The following CPA6 variants were observed in gnomAD, a reference collection of about 807,000 sequenced individuals.
CPA6 encodes carboxypeptidase B.
CPA6 carries 58 observed loss-of-function variants against 63.3 expected under a neutral mutation model. The ratio of observed to expected loss-of-function variants is 0.92; its 90% CI spans 0.74 to 1.14. The LOEUF is 1.14. CPA6 is among the 50% of genes most tolerant of loss of function. The probability of loss-of-function intolerance (pLI) is 0.00; values close to 1 mark genes in which losing one functional copy is unlikely to be tolerated. For missense variants in CPA6, 565 were observed against 526.6 expected, an observed-to-expected ratio of 1.07 and a Z score of -0.71; for synonymous variants, 185 against 179.0, an observed-to-expected ratio of 1.03 and a Z score of -0.27.
intron 1 of CPA6, among the ~76,000 whole-genome samples, chr8:67,713,073 C>CTG (rs1165690969): frequency 5.1e-5 from 5 of 97,734 alleles, no homozygotes; most frequent in East Asian, 2.8e-4. Context: ...ATGTGTGTAT[C>CTG]TGTGTGTGTA....
At chr8:67,556,896 A>G (rs1392000172) in intron 2 of CPA6, among the ~76,000 whole-genome samples, 4 of 152,144 alleles carry the variant, frequency 2.6e-5, no homozygotes, top group Non-Finnish European at 5.9e-5. Context: ...CCGTGAGGAG[A>G]ATAGGACTCT....
At chr8:67,571,085 A>G (rs1813474890) in intron 2 of CPA6, among the ~76,000 whole-genome samples, 1 of 152,228 alleles carries the variant, frequency 6.6e-6, no homozygotes, top group Non-Finnish European at 1.5e-5. Context: ...TTTAAGTAGA[A>G]AATTATACAA....
chr8:67,670,074 A>T (rs1816310394), intron 1 of CPA6, among the ~76,000 whole-genome samples: 1 of 152,218 alleles, frequency 6.6e-6, no homozygotes, highest in Non-Finnish European at 1.5e-5. Context: ...AGGTGTAAAG[A>T]ATCTCTCCAA....
chr8:67,662,800 C>G (rs1816146945), intron 1 of CPA6, among the ~76,000 whole-genome samples: 1 of 152,118 alleles, frequency 6.6e-6, no homozygotes, highest in African/African-American at 2.4e-5. Flanking sequence ...GCTGCAGGAG[C>G]ACCTTGGAAA....
intron 7 of CPA6, 108 bp downstream of exon 7, chr8:67,484,571 C>T: frequency 1.8e-6 from 1 of 550,782 alleles, no homozygotes; most frequent in Non-Finnish European, 3.3e-6. Flanking sequence ...TCTCTGGAAT[C>T]ACTCAGCTGA....
At chr8:67,596,630 C>A (rs1489486908) in intron 2 of CPA6, among the ~76,000 whole-genome samples, 1 of 151,424 alleles carries the variant, frequency 6.6e-6, no homozygotes, top group Non-Finnish European at 1.5e-5. Flanking sequence ...AAGGATAGTA[C>A]AATCACAAAA....
At chr8:67,520,751 G>C (rs1441841797) in intron 2 of CPA6, among the ~76,000 whole-genome samples, 1 of 152,236 alleles carries the variant, frequency 6.6e-6, no homozygotes, top group Admixed American at 6.5e-5. Flanking sequence ...AGGTTGCACA[G>C]GTACAAAATG....
At chr8:67,681,602 A>AT (rs1443966777) in intron 1 of CPA6, among the ~76,000 whole-genome samples, 2 of 152,164 alleles carry the variant, frequency 1.3e-5, no homozygotes, top group Admixed American at 6.5e-5. Context: ...CAAGGTATGC[A>AT]TGTAAGCTTT....
chr8:67,615,129 C>T (rs1814912034), intron 2 of CPA6, among the ~76,000 whole-genome samples: 1 of 152,186 alleles, frequency 6.6e-6, no homozygotes, highest in Non-Finnish European at 1.5e-5. Flanking sequence ...CCAGGTTCCA[C>T]ACTTCTCAGC....
chr8:67,695,061 G>C (rs777394435), intron 1 of CPA6, among the ~76,000 whole-genome samples: 3 of 152,132 alleles, frequency 2.0e-5, no homozygotes, highest in Non-Finnish European at 4.4e-5. Flanking sequence ...CCTTGTGAAT[G>C]CTTACCAAAC....
intron 1 of CPA6, among the ~76,000 whole-genome samples, chr8:67,707,638 G>T (rs1265202917): frequency 6.6e-6 from 1 of 152,194 alleles, no homozygotes; most frequent in Non-Finnish European, 1.5e-5. Context: ...GCTGGGTGTG[G>T]TGGCTCAAGC....
At chr8:67,504,907 A>G (rs1014952618) in intron 6 of CPA6, among the ~76,000 whole-genome samples, 1 of 152,014 alleles carries the variant, frequency 6.6e-6, no homozygotes, top group Admixed American at 6.6e-5. Flanking sequence ...AGGAGGATGG[A>G]GAGGAAAGCC....
intron 1 of CPA6, among the ~76,000 whole-genome samples, chr8:67,708,383 T>C (rs189998632): frequency 2.6e-3 from 403 of 152,348 alleles, no homozygotes; most frequent in African/African-American, 9.3e-3. Context: ...GTATACCTTT[T>C]ATTAGATTCT....
chr8:67,666,125 G>A (rs994591831), intron 1 of CPA6, among the ~76,000 whole-genome samples: 1 of 152,168 alleles, frequency 6.6e-6, no homozygotes, highest in African/African-American at 2.4e-5. Context: ...CACCTGTAAA[G>A]AACTGAGCAG....
At chr8:67,547,268 G>T (rs200104574) in intron 2 of CPA6, among the ~76,000 whole-genome samples, 1 of 152,036 alleles carries the variant, frequency 6.6e-6, no homozygotes, top group Admixed American at 6.6e-5. Context: ...GGATGGTCTC[G>T]ATCTCCTGAC....
intron 2 of CPA6, among the ~76,000 whole-genome samples, chr8:67,526,707 G>A (rs1296079810): frequency 6.6e-6 from 1 of 152,140 alleles, no homozygotes; most frequent in African/African-American, 2.4e-5. Context: ...GAAGATGCAG[G>A]CCTGTGCTGG....
chr8:67,598,840 C>A (rs1338287489), intron 2 of CPA6, among the ~76,000 whole-genome samples: 1 of 151,902 alleles, frequency 6.6e-6, no homozygotes, highest in Non-Finnish European at 1.5e-5. Context: ...ATACATTTAT[C>A]ATGTATATAA....
In CPA6 at chr8:67,500,762, CA is replaced by C. The variant is rs559607794; in HGVS notation, c.636+6024del. Reference sequence around the variant, plus strand: ...CTCATACCATATACAAAAAAAGATTCATTTTTTTTTTTTTGCAATGAATATC... The same window carrying C: ...CTCATACCATATACAAAAAAAGATTCTTTTTTTTTTTTTGCAATGAATATC... On this transcript the variant is annotated intron_variant, in intron 6 of 10. Coordinates refer to ENST00000297770, the MANE Select transcript of CPA6 (RefSeq NM_020361.5). Among the ~76,000 whole-genome samples, 34 of 148,566 alleles carry C rather than the reference CA, an allele frequency of 2.3e-4. 1 individual carries two copies. The South Asian group carries it at 6.7e-3, about 29-fold the overall frequency.
intron 1 of CPA6, among the ~76,000 whole-genome samples, chr8:67,733,364 G>T (rs1028281761): frequency 6.6e-6 from 1 of 152,000 alleles, no homozygotes; most frequent in African/African-American, 2.4e-5. Context: ...TGCTGATGTT[G>T]CTGGTCTGAG....
Sources: allele counts gnomAD v4.1 joint callset (sites outside exome capture counted in the v4.1 genomes callset), GRCh38; gene constraint gnomAD v4.1.1; transcripts MANE v1.5; gene names NCBI Gene and HGNC (gene_info 2026-07-23, HGNC 2026-07-21).